The following C5 variants were observed in gnomAD, a reference collection of about 807,000 sequenced individuals.
C5 encodes the protein complement C5, also known as C3 and PZP-like alpha-2-macroglobulin domain-containing protein 4.
Under a neutral mutation model 218.8 loss-of-function variants are expected in C5, and 140 were observed. The observed-to-expected ratio is 0.64, with a 90% CI of 0.56 to 0.74. C5 has a LOEUF of 0.74. Among genes scored for constraint, C5 ranks in the 30% least tolerant of loss-of-function variants. The probability of loss-of-function intolerance (pLI) is 0.00; values close to 1 mark genes in which losing one functional copy is unlikely to be tolerated. For missense variants in C5, 1,700 were observed against 1,969.6 expected (o/e 0.86, Z 2.59); for synonymous variants, 614 against 682.3 (o/e 0.90, Z 1.56).
intron 4 of C5, among the ~76,000 whole-genome samples, chr9:121,035,322 T>C (rs906193662): frequency 2.6e-5 from 4 of 152,248 alleles, no homozygotes; most frequent in African/African-American, 4.8e-5. Flanking sequence ...AAATATTCTA[T>C]GAATTATATT....
At chr9:120,977,133 C>T (rs1028957203) in intron 28 of C5, among the ~76,000 whole-genome samples, 1 of 152,106 alleles carries the variant, frequency 6.6e-6, no homozygotes, top group East Asian at 1.9e-4. Flanking sequence ...GAAATGCCCC[C>T]AAAATCTGAA....
chr9:120,956,801 T>C (rs755107456), intron 39 of C5, among the ~76,000 whole-genome samples: 1 of 152,100 alleles, frequency 6.6e-6, no homozygotes, highest in Non-Finnish European at 1.5e-5. Flanking sequence ...ATATCACATA[T>C]TTTCACTTAT....
At chr9:121,013,749 T>C in intron 17 of C5, 124 bp downstream of exon 17, 3 of 922,306 alleles carry the variant, frequency 3.3e-6, no homozygotes, top group Non-Finnish European at 3.4e-6. Flanking sequence ...CTTATGGACA[T>C]TTACAAGTTA....
At chr9:120,959,409 C>T (rs1262526620) in intron 38 of C5, among the ~76,000 whole-genome samples, 1 of 151,882 alleles carries the variant, frequency 6.6e-6, no homozygotes, top group Non-Finnish European at 1.5e-5. Context: ...CAGGCACGCA[C>T]CACTATGCTT....
At chr9:120,987,227 C>T (rs1564140862) in intron 25 of C5, among the ~76,000 whole-genome samples, 2 of 151,942 alleles carry the variant, frequency 1.3e-5, no homozygotes. Flanking sequence ...GGCCTTGAGA[C>T]ATTGATTAGG....
intron 17 of C5, among the ~76,000 whole-genome samples, chr9:121,009,544 T>C (rs2047244405): frequency 1.3e-5 from 2 of 152,174 alleles, no homozygotes; most frequent in African/African-American, 2.4e-5. Flanking sequence ...CCAAGCCAGA[T>C]GATTATAGTT....
At chr9:121,056,382 C>G in the C5 span, among the ~76,000 whole-genome samples, 1 of 152,174 alleles carries the variant, frequency 6.6e-6, no homozygotes, top group Non-Finnish European at 1.5e-5. Context: ...ATTCAGAATT[C>G]TATCAGATAA....
At chr9:120,977,845 T>C (rs565551326) in intron 28 of C5, among the ~76,000 whole-genome samples, 134 of 152,342 alleles carry the variant, frequency 8.8e-4, no homozygotes, top group Admixed American at 1.7e-3. Context: ...TAACTTACCA[T>C]GTCACTTTGG....
Position 120,989,655 on chromosome 9 carries a change from G to A in C5, c.3067C>T (p.His1023Tyr). 4 of 1,613,514 alleles carry A rather than the reference G, an allele frequency of 2.5e-6. No individual in the cohort carries two copies. Among genetic ancestry groups the A allele is most frequent in the Non-Finnish European group, 2.5e-6 (3 of 1,179,644 alleles). The change falls in exon 24 of 41, where the codon CAC (histidine) becomes TAC (tyrosine). Residue 1023 changes from histidine (H) to tyrosine (Y), a missense_variant. Transcript: ENST00000223642. ...MSVVPVFYVFHYLETGNHWNI... is the reference protein window; with the variant it reads ...MSVVPVFYVFYYLETGNHWNI... ...CAATGATTTCCTGTTTCCAGGTAGT[G>A]AAAAACATAGAATACTGGGACAACG...
At chr9:121,064,550 T>C in the C5 span, among the ~76,000 whole-genome samples, 2 of 152,242 alleles carry the variant, frequency 1.3e-5, no homozygotes, top group South Asian at 4.1e-4. Flanking sequence ...TTATACTTTT[T>C]CAAATGTTAG....
At chr9:120,986,698 C>A (rs1035281302) in intron 25 of C5, among the ~76,000 whole-genome samples, 1 of 150,860 alleles carries the variant, frequency 6.6e-6, no homozygotes, top group Non-Finnish European at 1.5e-5. Flanking sequence ...GACACTCACT[C>A]CCACTCCTGC....
chr9:120,976,477 G>A (rs1454791133), intron 29 of C5, among the ~76,000 whole-genome samples: 2 of 152,162 alleles, frequency 1.3e-5, no homozygotes, highest in Non-Finnish European at 2.9e-5. Context: ...TTCTGATTCT[G>A]GCTCTGCCAT....
chr9:120,987,142 T>C (rs1319767215), intron 25 of C5, among the ~76,000 whole-genome samples: 2 of 152,182 alleles, frequency 1.3e-5, no homozygotes, highest in Non-Finnish European at 2.9e-5. Context: ...CATATTGTGC[T>C]TGAAGGATCT....
chr9:120,985,526 T>C (rs1340782075), intron 25 of C5, among the ~76,000 whole-genome samples: 1 of 152,158 alleles, frequency 6.6e-6, no homozygotes, highest in Admixed American at 6.5e-5. Context: ...TTGTTTGTAA[T>C]ATTAAAATTT....
At chr9:120,964,263 A>G (rs2046849841) in intron 33 of C5, among the ~76,000 whole-genome samples, 1 of 152,226 alleles carries the variant, frequency 6.6e-6, no homozygotes, top group Non-Finnish European at 1.5e-5. Context: ...AGATCACTTG[A>G]GGTCAGGAGT....
At position 120,969,189 on chromosome 9, in the gene C5, T is replaced by C. The variant is rs935181690; in HGVS notation, c.4163-71A>G. The C allele has an allele frequency of 4.9e-5, 59 of 1,215,770 alleles. 1 individual carries two copies. Among genetic ancestry groups the C allele is most frequent in the Non-Finnish European group, 4.9e-6 (4 of 818,332 alleles). 75.3% of individuals were successfully genotyped at this position (1,215,770 alleles called of 1,614,324 possible). A position where few individuals can be genotyped will look rare whatever the true frequency, so the allele number is the denominator to read the frequency against. On this transcript the variant is annotated intron_variant, in intron 32 of 40. Transcript: ENST00000223642. ...CTGTTTTCAGCTGCTTTGGAACCTG[T>C]CAGAACAGAATCATTAATGAGCAAA...
chr9:121,068,053 T>G, the C5 span, among the ~76,000 whole-genome samples: 1 of 152,066 alleles, frequency 6.6e-6, no homozygotes, highest in African/African-American at 2.4e-5. Context: ...ACCTAAAAAC[T>G]TTTCCACTAA....
Position 120,962,657 on chromosome 9 carries a change from A to G in C5, c.4504+14T>C, listed in dbSNP as rs375227918. 3.9e-6 allele frequency: 6 copies of G among 1,529,970 alleles called. No individual in the cohort carries two copies. Among genetic ancestry groups the G allele is most frequent in the Non-Finnish European group, 4.5e-6 (5 of 1,103,348 alleles). The allele number at this position is 1,529,970 out of a possible 1,614,324, so 94.8% of individuals were successfully genotyped here. A position where few individuals can be genotyped will look rare whatever the true frequency, so the allele number is the denominator to read the frequency against. ...AGTATTCTTCTGAAGAAATGTTAGC[A>G]TGGAGTTGATTACCTGGTCTGTGGT... On this transcript the variant is annotated intron_variant, in intron 36 of 40. Coordinates refer to ENST00000223642, the MANE Select transcript of C5 (RefSeq NM_001735.3).
chr9:121,022,173 T>G (rs1018332561), intron 10 of C5, among the ~76,000 whole-genome samples: 2 of 152,168 alleles, frequency 1.3e-5, no homozygotes, highest in Non-Finnish European at 2.9e-5. Flanking sequence ...ACTTCTGTAT[T>G]TCTTTGATTG....
Sources: gnomAD v4.1 joint callset for allele counts (sites outside exome capture counted in the v4.1 genomes callset) on GRCh38, gnomAD v4.1.1 for gene constraint, MANE v1.5 for transcripts, NCBI Gene and HGNC (gene_info 2026-07-23, HGNC 2026-07-21) for gene names.